The following TTLL5 variants were observed in gnomAD, a reference collection of about 807,000 sequenced individuals.
The protein encoded by TTLL5 is tubulin polyglutamylase TTLL5.
TTLL5 carries 132 observed loss-of-function variants against 168.4 expected under a neutral mutation model. The ratio of observed to expected loss-of-function variants is 0.78; its 90% CI spans 0.68 to 0.91. The LOEUF (loss-of-function observed/expected upper bound fraction) is 0.91, where lower values mean the gene tolerates loss of function less well. Among genes scored for constraint, TTLL5 ranks in the 40% least tolerant of loss-of-function variants. The pLI is 0.00. For synonymous variants in TTLL5, 546 were observed against 558.6 expected (o/e 0.98, Z 0.32); for missense variants, 1,545 against 1,581.5 (o/e 0.98, Z 0.39).
At chr14:75,730,194 C>A (rs991762709) in intron 12 of TTLL5, among the ~76,000 whole-genome samples, 2 of 152,080 alleles carry the variant, frequency 1.3e-5, no homozygotes, top group Non-Finnish European at 2.9e-5. Context: ...TTTATGTAGA[C>A]TTGTAGATTT....
intron 30 of TTLL5, among the ~76,000 whole-genome samples, chr14:75,895,527 T>A (rs8016579): frequency 0.89 from 135,034 of 152,024 alleles, 60,109 homozygotes; most frequent in African/African-American, 0.94. Context: ...GGTTTTTTTT[T>A]AAAAAAAATC....
intron 4 of TTLL5, 123 bp from the exon 5 acceptor site, chr14:75,683,427 G>C: frequency 1.4e-6 from 1 of 710,410 alleles, no homozygotes; most frequent in Admixed American, 2.5e-5. Context: ...CGTACTAATT[G>C]GGCCACCCCG....
At chr14:75,906,751 G>A in intron 31 of TTLL5, 1 of 978,672 alleles carries the variant, frequency 1.0e-6, no homozygotes, top group Non-Finnish European at 1.2e-6. Context: ...AGACTTAGTG[G>A]CTACCAAAAG....
At chr14:75,731,251 G>A (rs775435274) in intron 12 of TTLL5, among the ~76,000 whole-genome samples, 28 of 152,142 alleles carry the variant, frequency 1.8e-4, no homozygotes, top group Non-Finnish European at 2.9e-4. Flanking sequence ...AGTAAGGAAG[G>A]TAGTGTGGTA....
At chr14:75,751,133 G>A (rs894181679) in intron 17 of TTLL5, among the ~76,000 whole-genome samples, 9 of 152,140 alleles carry the variant, frequency 5.9e-5, no homozygotes, top group African/African-American at 1.9e-4. Context: ...ACTTGCTCAC[G>A]TCTTCCACCC....
intron 30 of TTLL5, among the ~76,000 whole-genome samples, chr14:75,899,219 A>G (rs1336102790): frequency 6.6e-6 from 1 of 152,240 alleles, no homozygotes; most frequent in South Asian, 2.1e-4. Flanking sequence ...GTGTTAAACC[A>G]TAGTAACTGA....
At chr14:75,804,839 C>G (rs1893556496) in intron 27 of TTLL5, among the ~76,000 whole-genome samples, 1 of 152,144 alleles carries the variant, frequency 6.6e-6, no homozygotes, top group South Asian at 2.1e-4. Context: ...TTGTGCCTCT[C>G]TGTTCCAGGA....
chr14:75,850,946 T>C (rs370908179), intron 28 of TTLL5, among the ~76,000 whole-genome samples: 9 of 151,644 alleles, frequency 5.9e-5, no homozygotes, highest in African/African-American at 2.2e-4. Context: ...AATAAAAAAT[T>C]AGCCAGGTGT....
chr14:75,858,707 C>CA (rs1261557286), intron 28 of TTLL5, among the ~76,000 whole-genome samples: 1 of 152,162 alleles, frequency 6.6e-6, no homozygotes, highest in Non-Finnish European at 1.5e-5. Context: ...GTGTATCCAC[C>CA]ACTGTGAGTT....
chr14:75,898,337 C>CA (rs2032765343), intron 30 of TTLL5, among the ~76,000 whole-genome samples: 1 of 152,200 alleles, frequency 6.6e-6, no homozygotes, highest in South Asian at 2.1e-4. Context: ...CTCTTATTCT[C>CA]ACGCTTAAAG....
chr14:75,772,884 C>T (rs1322678831), intron 21 of TTLL5, among the ~76,000 whole-genome samples: 2 of 152,054 alleles, frequency 1.3e-5, no homozygotes, highest in Non-Finnish European at 2.9e-5. Flanking sequence ...TCAAGCTGGT[C>T]TCAAGCTCCT....
At chr14:75,949,420 G>GTATATATATATTCTATA (rs2034883513) in intron 31 of TTLL5, among the ~76,000 whole-genome samples, 3 of 135,422 alleles carry the variant, frequency 2.2e-5, no homozygotes, top group Admixed American at 7.7e-5. Context: ...GTTTTATAGA[G>GTATATATATATTCTATA]TATATATATA....
intron 28 of TTLL5, among the ~76,000 whole-genome samples, chr14:75,861,523 A>C (rs1380144654): frequency 1.3e-5 from 2 of 152,176 alleles, no homozygotes; most frequent in Non-Finnish European, 2.9e-5. Context: ...GCCTCACTTC[A>C]GGGTTCCTAC....
At chr14:75,845,914 G>A (rs979614290) in intron 28 of TTLL5, among the ~76,000 whole-genome samples, 2 of 152,242 alleles carry the variant, frequency 1.3e-5, no homozygotes, top group Admixed American at 1.3e-4. Flanking sequence ...AGGACAGATG[G>A]AAATATTTCT....
chr14:75,696,240 T>G (rs1885855628), intron 6 of TTLL5, among the ~76,000 whole-genome samples: 4 of 152,108 alleles, frequency 2.6e-5, no homozygotes, highest in Non-Finnish European at 5.9e-5. Context: ...TACTTCCTTT[T>G]TATAACTCTC....
intron 22 of TTLL5, 117 bp downstream of exon 22, chr14:75,775,747 C>T (rs759586380): frequency 8.0e-7 from 1 of 1,245,786 alleles, no homozygotes; most frequent in Non-Finnish European, 1.1e-6. Context: ...TCTGGCATCA[C>T]CATCCCTTAT....
At chr14:75,761,333 AT>A (rs1890635571) in intron 18 of TTLL5, among the ~76,000 whole-genome samples, 1 of 65,178 alleles carries the variant, frequency 1.5e-5, no homozygotes. Context: ...TGTTAGAAAT[AT>A]ACAAATTTCA....
At chr14:75,867,237 T>G (rs759834892) in intron 29 of TTLL5, among the ~76,000 whole-genome samples, 1 of 152,186 alleles carries the variant, frequency 6.6e-6, no homozygotes, top group Non-Finnish European at 1.5e-5. Context: ...ATGGGCTGGA[T>G]TTGGCCTATA....
intron 28 of TTLL5, among the ~76,000 whole-genome samples, chr14:75,850,567 T>C (rs376985364): frequency 4.5e-4 from 69 of 152,256 alleles, no homozygotes; most frequent in African/African-American, 1.6e-3. Context: ...GTGCCTAGTA[T>C]ATGCTAGGCA....
Sources: gnomAD v4.1 joint callset for allele counts (sites outside exome capture counted in the v4.1 genomes callset) on GRCh38, gnomAD v4.1.1 for gene constraint, MANE v1.5 for transcripts, NCBI Gene and HGNC (gene_info 2026-07-23, HGNC 2026-07-21) for gene names.